CIB2: variants seen among roughly 807,000 people sequenced by gnomAD.
CIB2 encodes calcium and integrin-binding family member 2.
Under a neutral mutation model 23.1 loss-of-function variants are expected in CIB2, and 19 were observed. The ratio of observed to expected loss-of-function variants is 0.82; its 90% CI spans 0.57 to 1.21. The LOEUF (loss-of-function observed/expected upper bound fraction) is 1.21. Ranked by LOEUF, CIB2 falls within the 50% of genes most tolerant of loss-of-function variation. The probability of loss-of-function intolerance (pLI) is 0.00; values close to 1 mark genes in which losing one functional copy is unlikely to be tolerated. For synonymous variants in CIB2, 94 were observed against 91.7 expected (o/e 1.03, Z -0.14); for missense variants, 220 against 241.5 (o/e 0.91, Z 0.59).
intron 2 of CIB2, chr15:78,120,682 G>A (rs1374705550): frequency 2.0e-6 from 2 of 985,392 alleles, no homozygotes; most frequent in African/African-American, 1.7e-5. Context: ...GCAGGGCAGA[G>A]GGAAGGAGAA....
At chr15:78,122,932 C>T (rs1433396750) in intron 2 of CIB2, among the ~76,000 whole-genome samples, 2 of 152,222 alleles carry the variant, frequency 1.3e-5, no homozygotes, top group Admixed American at 6.5e-5. Flanking sequence ...GCCTGACCAT[C>T]GATCTCCAGG....
chr15:78,109,196 CCA>C, intron 4 of CIB2, 37 bp downstream of exon 4: 18 of 1,219,636 alleles, frequency 1.5e-5, no homozygotes, highest in East Asian at 2.8e-5. Context: ...ACATGTTCCC[CCA>C]CCGCATATTC....
chr15:78,116,213 C>T (rs899487907), intron 2 of CIB2, among the ~76,000 whole-genome samples: 12 of 152,018 alleles, frequency 7.9e-5, no homozygotes, highest in Non-Finnish European at 1.8e-4. Flanking sequence ...AATCTCAGCA[C>T]TTTGGGAGGC....
Position 78,105,143 on chromosome 15 carries a change from GC to G in CIB2, c.*167del. On this transcript the variant is annotated 3_prime_UTR_variant, in exon 6 of 6. Coordinates refer to ENST00000258930, the MANE Select transcript of CIB2 (RefSeq NM_006383.4). ...GTGGGAAGGGTCCTAACCTTCACAG[GC>G]CCCCTTCCTGGTTAAGGTTTTTTTT... 1 of 917,416 alleles carries G rather than the reference GC, an allele frequency of 1.1e-6. No individual in the cohort carries two copies. The highest frequency in any genetic ancestry group is 1.6e-6 in the Non-Finnish European group (1 of 613,182). 56.8% of individuals were successfully genotyped at this position (917,416 alleles called of 1,614,324 possible).
At position 78,109,556 on chromosome 15, in the gene CIB2, G is replaced by A. The variant is rs769849693; in HGVS notation, c.199-174C>T. 12 of 703,532 alleles carry A rather than the reference G, an allele frequency of 1.7e-5. No homozygotes were observed. The Admixed American group carries it at 2.1e-4, about 12-fold the overall frequency. 43.6% of individuals were successfully genotyped at this position (703,532 alleles called of 1,614,324 possible). The stretch of plus-strand genomic sequence containing the variant: ...AACACCTTCTTAATTGGGTTGTGAT[G>A]GGATTAAATGAGCTAAAGTATGTAA... On this transcript the variant is annotated intron_variant, in intron 3 of 5. Transcript: ENST00000258930.
At position 78,131,156 on chromosome 15, in the gene CIB2, C is replaced by G. The variant is rs758568331; in HGVS notation, c.51+9G>C. On this transcript the variant is annotated intron_variant, in intron 1 of 5. Coordinates refer to ENST00000258930, the MANE Select transcript of CIB2 (RefSeq NM_006383.4). This position sits in a 1 kb window ranked among gnomAD's most constrained non-coding sequence, Gnocchi z 5.8. ...GGCCTGTGTTGGGGGCCGGGCGCGC[C>G]GAGCTCACCTGGTAGTTGTCTAGCT... 6.3e-7 allele frequency: 1 copy of G among 1,581,382 alleles called. No homozygotes were observed. Among genetic ancestry groups the G allele is most frequent in the Non-Finnish European group, 8.6e-7 (1 of 1,165,194 alleles).
rs553299510 is a variant in CIB2 at position 78,105,984 on chromosome 15, G to C, written c.347-50C>G. On this transcript the variant is annotated intron_variant, in intron 4 of 5. Transcript: ENST00000258930. Reference sequence around the variant, plus strand: ...TCAAGTCCAGGCTGCGTGCACCCAGGGACCCCTACACTATAGCTCTTCCTC... The same window carrying C: ...TCAAGTCCAGGCTGCGTGCACCCAGCGACCCCTACACTATAGCTCTTCCTC... 5.4e-5 allele frequency: 80 copies of C among 1,494,758 alleles called. No individual in the cohort carries two copies. In the Admixed American group the frequency reaches 9.4e-4, roughly 18 times the overall value. 92.6% of individuals were successfully genotyped at this position (1,494,758 alleles called of 1,614,324 possible). A position where few individuals can be genotyped will look rare whatever the true frequency, so the allele number is the denominator to read the frequency against.
intron 1 of CIB2, 40 bp from the exon 2 acceptor site, chr15:78,123,779 C>A (rs755286388): frequency 5.0e-6 from 8 of 1,612,918 alleles, no homozygotes; most frequent in Non-Finnish European, 5.9e-6. Flanking sequence ...CAGTGTGCGG[C>A]TCCCAGACTT....
chr15:78,117,882 G>A (rs1425533870), intron 2 of CIB2, among the ~76,000 whole-genome samples: 1 of 152,168 alleles, frequency 6.6e-6, no homozygotes, highest in African/African-American at 2.4e-5. Context: ...GCAGTGGGAG[G>A]AAAAAGCAAA....
chr15:78,106,019 C>T (rs753344254), intron 4 of CIB2, 85 bp from the exon 5 acceptor site: 3 of 1,062,610 alleles, frequency 2.8e-6, no homozygotes, highest in African/African-American at 3.1e-5. Context: ...CCTAGCTGGC[C>T]CCACTACCTC....
intron 2 of CIB2, among the ~76,000 whole-genome samples, chr15:78,120,354 C>A (rs1444551705): frequency 6.6e-6 from 1 of 152,096 alleles, no homozygotes; most frequent in African/African-American, 2.4e-5. Flanking sequence ...TTTCTACAAT[C>A]ATTATGTATA....
chr15:78,111,300 C>A (rs774969149), intron 2 of CIB2, 24 bp from the exon 3 acceptor site: 2 of 1,593,708 alleles, frequency 1.3e-6, no homozygotes, highest in South Asian at 1.1e-5. Context: ...AGAGAAAAAG[C>A]GCTGGAGGGG....
chr15:78,125,227 A>G (rs1377629230), intron 1 of CIB2, among the ~76,000 whole-genome samples: 3 of 152,172 alleles, frequency 2.0e-5, no homozygotes, highest in Non-Finnish European at 4.4e-5. Flanking sequence ...CTGGAGACAC[A>G]GTGGGCTGAT....
intron 1 of CIB2, among the ~76,000 whole-genome samples, chr15:78,128,844 G>A (rs1567060840): frequency 6.6e-6 from 1 of 152,164 alleles, no homozygotes; most frequent in African/African-American, 2.4e-5. Context: ...CTAGCCCAGG[G>A]CCCTGGCTGT....
chr15:78,114,896 TAA>T (rs35601905), intron 2 of CIB2, among the ~76,000 whole-genome samples: 9 of 141,672 alleles, frequency 6.4e-5, no homozygotes, highest in Non-Finnish European at 1.1e-4. Context: ...ACCCTGTCTC[TAA>T]AAAAAAAAAA....
chr15:78,123,563 G>A (rs939811352), intron 2 of CIB2, 142 bp downstream of exon 2: 45 of 825,808 alleles, frequency 5.4e-5, no homozygotes, highest in African/African-American at 2.5e-4. Context: ...CCCAGTGGCC[G>A]AGTGGGGACC....
Position 78,130,891 on chromosome 15 carries a change from AG to A in CIB2, c.51+273del, listed in dbSNP as rs141731189. ...GATGGGCGCTGGAATGGGTGGCTGG[AG>A]AGGGGTTCGGGTCCTGCCTAGGGCG... On this transcript the variant is annotated intron_variant, in intron 1 of 5. Transcript: ENST00000258930. 0.023 allele frequency among the ~76,000 whole-genome samples: 3,493 copies of A among 152,210 alleles called. 121 individuals are homozygous for A. Among genetic ancestry groups the A allele is most frequent in the African/African-American group, 0.079 (3,293 of 41,544 alleles).
rs555858481 is a variant in CIB2 at position 78,128,404 on chromosome 15, C to T, written c.51+2761G>A. 3.3e-5 allele frequency among the ~76,000 whole-genome samples: 5 copies of T among 152,260 alleles called. No individual in the cohort carries two copies. In the South Asian group the frequency reaches 8.3e-4, roughly 25 times the overall value. ...AAGAAATGAGGCTGGAGGCCCGGCG[C>T]GGTGGCTCACACCTGTAATCCCAAC... On this transcript the variant is annotated intron_variant, in intron 1 of 5. Coordinates refer to ENST00000258930, the MANE Select transcript of CIB2 (RefSeq NM_006383.4).
At position 78,107,072 on chromosome 15, in the gene CIB2, C is replaced by CA. The variant is rs1035728287; in HGVS notation, c.347-1139dup. On this transcript the variant is annotated intron_variant, in intron 4 of 5. Coordinates refer to ENST00000258930, the MANE Select transcript of CIB2 (RefSeq NM_006383.4). ...TGAAACCCCGTCTCTACTAAAAATA[C>CA]AAAAAAAAAAAAATTAGCCGGGCGT... Among the ~76,000 whole-genome samples, 278 of 139,666 alleles carry CA rather than the reference C, an allele frequency of 2.0e-3. 2 individuals carry two copies. Among genetic ancestry groups the CA allele is most frequent in the South Asian group, 0.01 (46 of 4,440 alleles). The allele number at this position is 139,666 out of a possible 152,430, so 91.6% of individuals were successfully genotyped here.
Sources: gnomAD v4.1 joint callset for allele counts (sites outside exome capture counted in the v4.1 genomes callset) on GRCh38, gnomAD v4.1.1 for gene constraint, Gnocchi (gnomAD v3.1) non-coding constraint, MANE v1.5 for transcripts, NCBI Gene and HGNC (gene_info 2026-07-23, HGNC 2026-07-21) for gene names.